Variants in NFATC1 observed in about 807,000 individuals in gnomAD.
NFATC1 encodes the protein nuclear factor of activated T-cells, cytoplasmic 1.
In NFATC1, 22 loss-of-function variants were observed where a neutral mutation model predicts 76.0. The ratio of observed to expected loss-of-function variants is 0.29; its 90% CI spans 0.21 to 0.41. The LOEUF (loss-of-function observed/expected upper bound fraction) is 0.41. NFATC1 is among the 10% of genes least tolerant of loss of function. NFATC1 has a pLI of 1.00. For synonymous variants in NFATC1, 704 were observed against 613.1 expected, an observed-to-expected ratio of 1.15 and a Z score of -2.19; for missense variants, 1,357 against 1,337.7, an observed-to-expected ratio of 1.01 and a Z score of -0.23.
At chr18:79,495,765 G>A (rs982266679) in intron 9 of NFATC1, among the ~76,000 whole-genome samples, 5 of 152,218 alleles carry the variant, frequency 3.3e-5, no homozygotes, top group African/African-American at 7.2e-5. Flanking sequence ...GTGGTAAGGC[G>A]TTCGCGAGTC....
intron 6 of NFATC1, among the ~76,000 whole-genome samples, chr18:79,460,521 C>T (rs2088007238): frequency 6.6e-6 from 1 of 152,220 alleles, no homozygotes; most frequent in South Asian, 2.1e-4. Context: ...AGGCCTGGAG[C>T]AGAGAGCACA....
chr18:79,466,872 C>T (rs1294058411), intron 7 of NFATC1, among the ~76,000 whole-genome samples: 2 of 152,238 alleles, frequency 1.3e-5, no homozygotes, highest in Admixed American at 6.5e-5. Context: ...GCTGGGCCAC[C>T]GAGCACTTCC....
In NFATC1 at chr18:79,411,013, C is replaced by T; in HGVS notation, c.738C>T (p.Val246=). 6.2e-7 allele frequency: 1 copy of T among 1,611,608 alleles called. No homozygotes were observed. The highest frequency in any genetic ancestry group is 8.5e-7 in the Non-Finnish European group (1 of 1,179,472). ...CCTCCACCTCGCCCCGCGCCAGCGTCACTGAGGAGAGCTGGCTGGGTGCCC... is the reference window on the plus strand; with the variant it reads ...CCTCCACCTCGCCCCGCGCCAGCGTTACTGAGGAGAGCTGGCTGGGTGCCC... ...HSPSTSPRAS[V]TEESWLGARS... Residue 246 remains valine (V), a synonymous_variant, in exon 2 of 10, where the codon GTC becomes GTT. Coordinates refer to ENST00000427363, the MANE Select transcript of NFATC1 (RefSeq NM_001278669.2).
chr18:79,489,022 G>C (rs1282244819), intron 9 of NFATC1, among the ~76,000 whole-genome samples: 1 of 152,226 alleles, frequency 6.6e-6, no homozygotes, highest in Non-Finnish European at 1.5e-5. Flanking sequence ...CAGCAGGCAG[G>C]GGACTGTTGA....
rs1569017939 is a variant in NFATC1 at position 79,483,411 on chromosome 18, G to GTGGGGTGTCATTCCGGCATGACCTGGTCC, written c.2093-2820_2093-2819insATGACCTGGTCCTGGGGTGTCATTCCGGC. On this transcript the variant is annotated intron_variant, in intron 8 of 9. Transcript: ENST00000427363. ...GTGTCATTCCGGCATGACCTGGTTC[G>GTGGGGTGTCATTCCGGCATGACCTGGTCC]TGGGGTGTCATTCCGGCGTGACCTG... Among the ~76,000 whole-genome samples, 119 of 68,438 alleles carry GTGGGGTGTCATTCCGGCATGACCTGGTCC rather than the reference G, an allele frequency of 1.7e-3. 12 individuals are homozygous for GTGGGGTGTCATTCCGGCATGACCTGGTCC. The highest frequency in any genetic ancestry group is 0.013 in the African/African-American group (107 of 8,502). 44.9% of individuals were successfully genotyped at this position (68,438 alleles called of 152,430 possible).
intron 9 of NFATC1, among the ~76,000 whole-genome samples, chr18:79,516,788 C>T (rs2090396596): frequency 6.6e-6 from 1 of 152,224 alleles, no homozygotes; most frequent in Admixed American, 6.5e-5. Context: ...GATATACGTA[C>T]AGTGGAACAA....
chr18:79,432,674 C>A (rs1384112809), intron 2 of NFATC1, among the ~76,000 whole-genome samples: 4 of 152,210 alleles, frequency 2.6e-5, no homozygotes, highest in African/African-American at 9.6e-5. Context: ...AAGGTGGTGC[C>A]TGCGTGGATG....
intron 9 of NFATC1, among the ~76,000 whole-genome samples, chr18:79,501,613 C>G (rs151091278): frequency 4.0e-5 from 5 of 125,910 alleles, no homozygotes; most frequent in African/African-American, 8.8e-5. Context: ...CCCCACCCCC[C>G]CTCCCCCCGC....
intron 1 of NFATC1, chr18:79,400,437 G>A (rs2085162279): frequency 6.7e-7 from 1 of 1,493,500 alleles, no homozygotes; most frequent in East Asian, 2.9e-5. Context: ...GTTCCTCTTC[G>A]AGTTTAACCA....
Position 79,524,322 on chromosome 18 carries a change from G to A in NFATC1, c.2783-3206G>A, listed in dbSNP as rs900619304. Among the ~76,000 whole-genome samples, 9 of 152,390 alleles carry A rather than the reference G, an allele frequency of 5.9e-5. No homozygotes were observed. Among genetic ancestry groups the A allele is most frequent in the African/African-American group, 1.7e-4 (7 of 41,596 alleles). On this transcript the variant is annotated intron_variant, in intron 9 of 9. Transcript: ENST00000427363. The surrounding 1 kb of genome is among the most constrained non-coding windows in gnomAD (Gnocchi z 7.2). The stretch of plus-strand genomic sequence containing the variant: ...CAGGCCGTGTCTGCGGGGCGAGCAC[G>A]GCTCCACGTACGGCTCTCGTCCGCG...
intron 6 of NFATC1, among the ~76,000 whole-genome samples, chr18:79,454,199 G>C (rs1380517738): frequency 6.6e-6 from 1 of 152,220 alleles, no homozygotes; most frequent in Non-Finnish European, 1.5e-5. Flanking sequence ...TCTCTCGACT[G>C]TCCTGCTCAT....
chr18:79,450,136 C>T (rs2087399546), intron 4 of NFATC1, among the ~76,000 whole-genome samples: 1 of 152,202 alleles, frequency 6.6e-6, no homozygotes, highest in African/African-American at 2.4e-5. Context: ...ACGCCCGCAG[C>T]CAGGACCGCG....
chr18:79,397,771 C>A (rs1264245112), intron 1 of NFATC1, among the ~76,000 whole-genome samples: 2 of 152,138 alleles, frequency 1.3e-5, no homozygotes, highest in African/African-American at 4.8e-5. Context: ...GGTGGCCGAC[C>A]TGTAGTAAGG....
intron 3 of NFATC1, among the ~76,000 whole-genome samples, chr18:79,447,134 T>C (rs1042617206): frequency 6.6e-6 from 1 of 152,132 alleles, no homozygotes; most frequent in Non-Finnish European, 1.5e-5. Flanking sequence ...ACCGGTGAGA[T>C]TGGTTTGTTC....
intron 2 of NFATC1, among the ~76,000 whole-genome samples, chr18:79,424,997 C>T (rs1264880811): frequency 2.0e-5 from 3 of 149,308 alleles, no homozygotes; most frequent in Admixed American, 6.6e-5. Context: ...CTGTGTCTAT[C>T]TCTGTGTCTG....
In NFATC1 at chr18:79,474,213, C is replaced by T. The variant is rs545280884; in HGVS notation, c.2092+6631C>T. ...CCTGAGGGAAGCGTGTTCTCATGCT[C>T]ACTGTCGACGTAAACCTGAGGGAAG... On this transcript the variant is annotated intron_variant, in intron 8 of 9. Transcript: ENST00000427363. Among the ~76,000 whole-genome samples, 14 of 9,520 alleles carry T rather than the reference C, an allele frequency of 1.5e-3. 1 individual carries two copies. In the South Asian group the frequency reaches 0.065, roughly 44 times the overall value. The allele number at this position is 9,520 out of a possible 152,430, so 6.2% of individuals were successfully genotyped here. A position where few individuals can be genotyped will look rare whatever the true frequency, so the allele number is the denominator to read the frequency against.
chr18:79,500,612 A>C (rs1028585367), intron 9 of NFATC1, among the ~76,000 whole-genome samples: 5 of 152,204 alleles, frequency 3.3e-5, no homozygotes, highest in Non-Finnish European at 7.4e-5. Flanking sequence ...AAAAACAACA[A>C]AATTGACAAA....
At chr18:79,464,621 A>G (rs1281214123) in intron 7 of NFATC1, among the ~76,000 whole-genome samples, 1 of 150,372 alleles carries the variant, frequency 6.7e-6, no homozygotes, top group African/African-American at 2.5e-5. Context: ...ACACACACAG[A>G]GTACATTATA....
intron 8 of NFATC1, among the ~76,000 whole-genome samples, chr18:79,483,871 C>G (rs149975111): frequency 0.012 from 1,441 of 125,206 alleles, 58 homozygotes; most frequent in African/African-American, 0.039. Flanking sequence ...GTCACTCCAG[C>G]GTGACGTGGT....
Sources: gnomAD v4.1 joint callset for allele counts (sites outside exome capture counted in the v4.1 genomes callset) on GRCh38, gnomAD v4.1.1 for gene constraint, Gnocchi (gnomAD v3.1) non-coding constraint, MANE v1.5 for transcripts, NCBI Gene and HGNC (gene_info 2026-07-23, HGNC 2026-07-21) for gene names.